The following KIF16B variants were observed in gnomAD, a reference collection of about 807,000 sequenced individuals.
The protein encoded by KIF16B is kinesin family member 16B, also known as kinesin-like protein KIF16B.
In KIF16B, 98 loss-of-function variants were observed where a neutral mutation model predicts 156.3. That is an observed-to-expected ratio of 0.63 (90% CI 0.53 to 0.74). KIF16B has a LOEUF of 0.74. Among genes scored for constraint, KIF16B ranks in the 30% least tolerant of loss-of-function variants. KIF16B has a pLI of 0.00. For synonymous variants in KIF16B, 564 were observed against 583.7 expected, an observed-to-expected ratio of 0.97 and a Z score of 0.49; for missense variants, 1,421 against 1,606.5, an observed-to-expected ratio of 0.88 and a Z score of 1.97.
intron 25 of KIF16B, among the ~76,000 whole-genome samples, chr20:16,285,846 C>T (rs1272745894): frequency 6.6e-6 from 1 of 151,934 alleles, no homozygotes; most frequent in African/African-American, 2.4e-5. Context: ...ACAAAAAGCA[C>T]CAAACCCCCA....
At chr20:16,332,103 T>G (rs968069985) in intron 24 of KIF16B, among the ~76,000 whole-genome samples, 3 of 152,202 alleles carry the variant, frequency 2.0e-5, no homozygotes, top group African/African-American at 7.2e-5. Flanking sequence ...AATGACAGGC[T>G]ACTGTGTTTT....
chr20:16,449,361 T>C (rs1187205385), intron 12 of KIF16B, among the ~76,000 whole-genome samples: 1 of 152,078 alleles, frequency 6.6e-6, no homozygotes, highest in East Asian at 1.9e-4. Context: ...GTTACGCCAA[T>C]GAAAGAATGT....
chr20:16,435,922 C>G (rs1168742880), intron 12 of KIF16B, among the ~76,000 whole-genome samples: 1 of 152,088 alleles, frequency 6.6e-6, no homozygotes, highest in Non-Finnish European at 1.5e-5. Flanking sequence ...TACCATCTTG[C>G]TTTGTTTATT....
chr20:16,372,275 G>A (rs1023207717), intron 20 of KIF16B, among the ~76,000 whole-genome samples: 2 of 152,138 alleles, frequency 1.3e-5, no homozygotes, highest in African/African-American at 2.4e-5. Flanking sequence ...CATTCAGATT[G>A]AACAGCGTCT....
intron 23 of KIF16B, among the ~76,000 whole-genome samples, chr20:16,344,958 C>G (rs2064204496): frequency 6.6e-6 from 1 of 152,170 alleles, no homozygotes; most frequent in Admixed American, 6.5e-5. Flanking sequence ...TCACTTCTAC[C>G]TGAGAGGAGA....
In KIF16B at chr20:16,526,160, T is replaced by G; in HGVS notation, c.163A>C (p.Thr55Pro). The G allele has an allele frequency of 6.2e-7, 1 of 1,609,808 alleles. No individual in the cohort carries two copies. The highest frequency in any genetic ancestry group is 8.5e-7 in the Non-Finnish European group (1 of 1,178,042). Residue 55 changes from threonine (T) to proline (P), a missense_variant, in exon 3 of 26, where the codon ACC (threonine) becomes CCC (proline). By Grantham distance (38) the Thr-to-Pro change is conservative. Coordinates refer to ENST00000354981, the MANE Select transcript of KIF16B (RefSeq NM_024704.5). ...TAAAAAGAAAAGTCATAGGTGAAGG[T>G]CTTGGTCCGTTCTCTTCCTGAGTCC... ...TGDSGRERTK[T>P]FTYDFSFYSA...
intron 2 of KIF16B, among the ~76,000 whole-genome samples, chr20:16,527,176 G>C (rs2069578341): frequency 6.6e-6 from 1 of 152,170 alleles, no homozygotes; most frequent in Non-Finnish European, 1.5e-5. Flanking sequence ...CCAAAGGAAG[G>C]GAAAGAAGCA....
chr20:16,273,193 C>T lies in KIF16B; in HGVS notation c.*60G>A. 1 of 1,455,380 alleles carries T rather than the reference C, an allele frequency of 6.9e-7. No homozygotes were observed. The highest frequency in any genetic ancestry group is 1.2e-5 in the South Asian group (1 of 85,518). 90.2% of individuals were successfully genotyped at this position (1,455,380 alleles called of 1,614,324 possible). A position where few individuals can be genotyped will look rare whatever the true frequency, so the allele number is the denominator to read the frequency against. Reference sequence around the variant, plus strand: ...ATCCTCGCATGGGGGAGCTGCCCTGCATCGGAGCCCGCTTCGACGAGAAGG... The same window carrying T: ...ATCCTCGCATGGGGGAGCTGCCCTGTATCGGAGCCCGCTTCGACGAGAAGG... On this transcript the variant is annotated 3_prime_UTR_variant, in exon 26 of 26. Transcript: ENST00000354981.
intron 1 of KIF16B, among the ~76,000 whole-genome samples, chr20:16,568,349 T>C (rs549757039): frequency 6.6e-6 from 1 of 152,258 alleles, no homozygotes; most frequent in Admixed American, 6.5e-5. Context: ...TCAGTAAATA[T>C]TTTTTGGCAT....
rs367602974 is a variant in KIF16B, at chr20:16,428,934, C to A, written c.1474+19G>T. 1.9e-6 allele frequency: 3 copies of A among 1,606,002 alleles called. No homozygotes were observed. Among genetic ancestry groups the A allele is most frequent in the Non-Finnish European group, 2.6e-6 (3 of 1,172,914 alleles). On this transcript the variant is annotated intron_variant, in intron 14 of 25. Coordinates refer to ENST00000354981, the MANE Select transcript of KIF16B (RefSeq NM_024704.5). ...CCTTAAAAAATCATTGGGAACAGAT[C>A]ACTGATAAATATGCTCACCAATATC...
intron 24 of KIF16B, among the ~76,000 whole-genome samples, chr20:16,313,925 T>G (rs1334709085): frequency 6.6e-6 from 1 of 152,242 alleles, no homozygotes; most frequent in Non-Finnish European, 1.5e-5. Context: ...GATAAACATA[T>G]GTACGTATTT....
intron 15 of KIF16B, among the ~76,000 whole-genome samples, chr20:16,425,039 C>T (rs1010743720): frequency 5.3e-5 from 8 of 152,076 alleles, no homozygotes; most frequent in African/African-American, 7.2e-5. Flanking sequence ...AACACACACA[C>T]GTTTTCCTAG....
At chr20:16,366,405 G>C (rs911770738) in intron 22 of KIF16B, among the ~76,000 whole-genome samples, 3 of 152,208 alleles carry the variant, frequency 2.0e-5, no homozygotes, top group African/African-American at 7.2e-5. Flanking sequence ...GAGACTTACA[G>C]GATAGAGAGA....
chr20:16,572,181 G>T (rs923806747), intron 1 of KIF16B, among the ~76,000 whole-genome samples: 3 of 152,168 alleles, frequency 2.0e-5, no homozygotes, highest in African/African-American at 7.2e-5. Flanking sequence ...GGGTTTTAAT[G>T]ATTACAAACC....
intron 25 of KIF16B, among the ~76,000 whole-genome samples, chr20:16,299,870 A>C (rs1224449535): frequency 6.6e-6 from 1 of 152,178 alleles, no homozygotes. Context: ...TGAATAAAAA[A>C]CTTTTACAAT....
At chr20:16,452,850 A>G (rs2067119948) in intron 12 of KIF16B, among the ~76,000 whole-genome samples, 1 of 151,902 alleles carries the variant, frequency 6.6e-6, no homozygotes, top group Non-Finnish European at 1.5e-5. Flanking sequence ...AAAAAAAGAA[A>G]GAAAAAAAGA....
At chr20:16,491,234 A>G (rs2038260) in intron 12 of KIF16B, among the ~76,000 whole-genome samples, 53,800 of 151,964 alleles carry the variant, frequency 0.35, 9,598 homozygotes, top group East Asian at 0.38. Context: ...TGCACACACC[A>G]ACCAGCAGCA....
chr20:16,293,739 G>T (rs2063344537), intron 25 of KIF16B, among the ~76,000 whole-genome samples: 1 of 152,116 alleles, frequency 6.6e-6, no homozygotes, highest in Non-Finnish European at 1.5e-5. Flanking sequence ...CTGTATTTAT[G>T]AAACACCTGG....
At chr20:16,460,719 A>G (rs1488562435) in intron 12 of KIF16B, among the ~76,000 whole-genome samples, 1 of 152,232 alleles carries the variant, frequency 6.6e-6, no homozygotes. Flanking sequence ...AGGCACTGAT[A>G]GGAAGCAACG....
Sources: allele counts gnomAD v4.1 joint callset (sites outside exome capture counted in the v4.1 genomes callset), GRCh38; gene constraint gnomAD v4.1.1; transcripts MANE v1.5; gene names NCBI Gene and HGNC (gene_info 2026-07-23, HGNC 2026-07-21).